Variants in ANKRD44 observed in about 807,000 individuals in gnomAD.
ANKRD44 encodes the protein ankyrin repeat domain 44.
A neutral mutation model predicts 116.0 loss-of-function variants in ANKRD44; 35 were observed. That is an observed-to-expected ratio of 0.30 (90% CI 0.23 to 0.40). The LOEUF (loss-of-function observed/expected upper bound fraction) is 0.40, where lower values mean the gene tolerates loss of function less well. ANKRD44 is among the 10% of genes least tolerant of loss of function. ANKRD44 has a pLI of 1.00. For synonymous variants in ANKRD44, 435 were observed against 461.8 expected (o/e 0.94, Z 0.74); for missense variants, 1,014 against 1,242.6 (o/e 0.82, Z 2.77).
At position 197,125,859 on chromosome 2, in the gene ANKRD44, G is replaced by A. The variant is rs764702362; in HGVS notation, c.440C>T (p.Ala147Val). ...CACCTCCACGTGGCCGTTCAGAGCC[G>A]CATGGTGCAAGGCTGTGCGCCCCCC... ...DRGGRTALHH[A>V]ALNGHVEMVN... Residue 147 changes from alanine to valine, a missense_variant, in exon 5 of 28, where the codon GCG (alanine) becomes GTG (valine). Transcript: ENST00000282272. The A allele has an allele frequency of 1.3e-5, 21 of 1,613,970 alleles. No individual in the cohort carries two copies. The highest frequency in any genetic ancestry group is 1.7e-4 in the Middle Eastern group (1 of 5,986).
chr2:196,971,602 A>T (rs1034288974), intron 21 of ANKRD44, among the ~76,000 whole-genome samples: 1 of 152,188 alleles, frequency 6.6e-6, no homozygotes, highest in Non-Finnish European at 1.5e-5. Flanking sequence ...AGTTTTTTCT[A>T]CTACCAAAAA....
intron 16 of ANKRD44, chr2:197,077,932 T>C (rs972879142): frequency 3.3e-5 from 5 of 152,120 alleles, no homozygotes; most frequent in Non-Finnish European, 7.4e-5. Context: ...AACCTTCTTA[T>C]GGACAGGAAA....
chr2:197,191,722 C>T (rs1284958585), intron 1 of ANKRD44, among the ~76,000 whole-genome samples: 1 of 151,928 alleles, frequency 6.6e-6, no homozygotes, highest in Admixed American at 6.6e-5. Context: ...TTGAAAAATC[C>T]ACTTCATTAA....
chr2:197,168,792 G>C (rs2080159481), intron 2 of ANKRD44, among the ~76,000 whole-genome samples: 1 of 152,110 alleles, frequency 6.6e-6, no homozygotes, highest in Non-Finnish European at 1.5e-5. Flanking sequence ...CCATGTAGAG[G>C]TTAGAAGTAC....
chr2:196,998,856 T>C, intron 24 of ANKRD44, 51 bp downstream of exon 24: 1 of 1,594,836 alleles, frequency 6.3e-7, no homozygotes, highest in South Asian at 1.1e-5. Flanking sequence ...TTTGACATTA[T>C]TTTGGTTTTT....
rs151267570 is a variant in ANKRD44 at position 197,147,013 on chromosome 2, T to A, written c.190+14A>T. The A allele has an allele frequency of 6.2e-7, 1 of 1,611,546 alleles. No homozygotes were observed. Among genetic ancestry groups the A allele is most frequent in the Non-Finnish European group, 8.5e-7 (1 of 1,177,846 alleles). ...TTTATTTGCAATTGACTTTTGAGTATAGCAGTTATTTACCTGACAAAATCA... is the reference window on the plus strand; with the variant it reads ...TTTATTTGCAATTGACTTTTGAGTAAAGCAGTTATTTACCTGACAAAATCA... On this transcript the variant is annotated intron_variant, in intron 3 of 27. Coordinates refer to ENST00000282272, the MANE Select transcript of ANKRD44 (RefSeq NM_001195144.2).
At chr2:197,065,182 A>T (rs1199422667) in intron 16 of ANKRD44, among the ~76,000 whole-genome samples, 1 of 152,226 alleles carries the variant, frequency 6.6e-6, no homozygotes, top group Non-Finnish European at 1.5e-5. Flanking sequence ...TGGAAACTGA[A>T]CAACCTGCTC....
chr2:196,997,442 T>C (rs1016641687), intron 25 of ANKRD44, among the ~76,000 whole-genome samples: 4 of 132,082 alleles, frequency 3.0e-5, no homozygotes, highest in Admixed American at 8.9e-5. Flanking sequence ...TATAATTTTA[T>C]ATAATTTATC....
chr2:197,251,699 T>C (rs568068693), intron 1 of ANKRD44, among the ~76,000 whole-genome samples: 251 of 152,260 alleles, frequency 1.6e-3, no homozygotes, highest in Non-Finnish European at 2.1e-3. Context: ...CTGTTGTGAT[T>C]CACATATTTC....
chr2:197,017,506 CATTAT>C (rs922597671), intron 17 of ANKRD44, among the ~76,000 whole-genome samples: 3 of 152,188 alleles, frequency 2.0e-5, no homozygotes, highest in African/African-American at 7.2e-5. Context: ...TTTCTCATTA[CATTAT>C]GTTTGTGAAT....
chr2:197,284,413 G>A (rs2083347154), intron 1 of ANKRD44, among the ~76,000 whole-genome samples: 1 of 151,816 alleles, frequency 6.6e-6, no homozygotes, highest in Non-Finnish European at 1.5e-5. Flanking sequence ...CTACTTAAAT[G>A]TGACATATAC....
intron 1 of ANKRD44, chr2:197,198,946 C>CGA (rs2081029913): frequency 6.6e-6 from 1 of 152,318 alleles, no homozygotes; most frequent in Admixed American, 6.5e-5. Flanking sequence ...AGCGCCAGCC[C>CGA]GACATCGGCG....
chr2:197,017,491 A>T (rs933730472), intron 17 of ANKRD44, among the ~76,000 whole-genome samples: 13 of 152,088 alleles, frequency 8.5e-5, no homozygotes, highest in African/African-American at 2.9e-4. Flanking sequence ...TACATTAAAT[A>T]TTTTTTTCTC....
intron 17 of ANKRD44, among the ~76,000 whole-genome samples, chr2:197,023,573 A>G (rs1301102086): frequency 1.3e-5 from 2 of 148,808 alleles, no homozygotes; most frequent in African/African-American, 4.9e-5. Flanking sequence ...TACACTGTGG[A>G]AAAAAAAAAG....
intron 25 of ANKRD44, among the ~76,000 whole-genome samples, chr2:196,996,736 C>T (rs1056109273): frequency 6.6e-6 from 1 of 151,820 alleles, no homozygotes; most frequent in African/African-American, 2.4e-5. Context: ...AACTCCATCT[C>T]TCCTAAAAAA....
chr2:197,072,955 G>A (rs2077592177), intron 16 of ANKRD44, among the ~76,000 whole-genome samples: 1 of 152,122 alleles, frequency 6.6e-6, no homozygotes, highest in Non-Finnish European at 1.5e-5. Flanking sequence ...ATAACTTCAT[G>A]TCAGCAATCA....
intron 1 of ANKRD44, among the ~76,000 whole-genome samples, chr2:197,278,701 C>G (rs944408481): frequency 2.0e-5 from 3 of 152,202 alleles, no homozygotes; most frequent in Non-Finnish European, 4.4e-5. Flanking sequence ...TTACAGGCCA[C>G]AAGGTCTTAT....
Position 197,059,819 on chromosome 2 carries a change from A to C in ANKRD44, c.1650+18884T>G, listed in dbSNP as rs552359205. The stretch of plus-strand genomic sequence containing the variant: ...GCAACTATCATCAAAAGAAAAATAA[A>C]CCATCATGAAAACAGGTTCTCTGAT... On this transcript the variant is annotated intron_variant, in intron 16 of 27. Coordinates refer to ENST00000282272, the MANE Select transcript of ANKRD44 (RefSeq NM_001195144.2). Among the ~76,000 whole-genome samples, 7 of 152,346 alleles carry C rather than the reference A, an allele frequency of 4.6e-5. No individual in the cohort carries two copies. The East Asian group carries it at 1.3e-3, about 29-fold the overall frequency.
intron 2 of ANKRD44, among the ~76,000 whole-genome samples, chr2:197,153,808 T>C (rs920704006): frequency 2.0e-5 from 3 of 152,136 alleles, no homozygotes; most frequent in African/African-American, 4.8e-5. Flanking sequence ...TGAAAATAAT[T>C]TGAAGTATGT....
Sources: gnomAD v4.1 joint callset for allele counts (sites outside exome capture counted in the v4.1 genomes callset) on GRCh38, gnomAD v4.1.1 for gene constraint, MANE v1.5 for transcripts, NCBI Gene and HGNC (gene_info 2026-07-23, HGNC 2026-07-21) for gene names.